Variants in SCHIP1 observed in about 807,000 individuals in gnomAD.
The protein encoded by SCHIP1 is schwannomin-interacting protein 1.
SCHIP1 carries 8 observed loss-of-function variants against 29.7 expected under a neutral mutation model. The ratio of observed to expected loss-of-function variants is 0.27; its 90% CI spans 0.16 to 0.49. The LOEUF (loss-of-function observed/expected upper bound fraction) is 0.49, where lower values mean the gene tolerates loss of function less well. SCHIP1 is among the 20% of genes least tolerant of loss of function. SCHIP1 has a pLI of 0.99. For synonymous variants in SCHIP1, 76 were observed against 94.9 expected (o/e 0.80, Z 1.16); for missense variants, 193 against 294.6 (o/e 0.66, Z 2.52).
the SCHIP1 span, among the ~76,000 whole-genome samples, chr3:159,412,102 T>A: frequency 3.1e-4 from 47 of 152,318 alleles, 1 homozygote; most frequent in Admixed American, 5.9e-4. Flanking sequence ...AACAAAGTAG[T>A]TACTGTTATC....
chr3:159,439,298 G>A, the SCHIP1 span, among the ~76,000 whole-genome samples: 1 of 152,162 alleles, frequency 6.6e-6, no homozygotes, highest in Non-Finnish European at 1.5e-5. Flanking sequence ...GTTCAGCATA[G>A]TTGGGGAGGC....
chr3:159,856,890 C>T (rs768746651), intron 1 of SCHIP1, among the ~76,000 whole-genome samples: 144 of 152,284 alleles, frequency 9.5e-4, no homozygotes, highest in Middle Eastern at 3.4e-3. Flanking sequence ...TGCCAGCTGC[C>T]ATTCCAGACA....
the SCHIP1 span, among the ~76,000 whole-genome samples, chr3:159,591,152 C>G: frequency 6.6e-6 from 1 of 152,174 alleles, no homozygotes; most frequent in Non-Finnish European, 1.5e-5. Context: ...TAGAGCCTGA[C>G]CTAGTATTTG....
chr3:159,610,714 A>G, the SCHIP1 span, among the ~76,000 whole-genome samples: 1 of 152,092 alleles, frequency 6.6e-6, no homozygotes, highest in Non-Finnish European at 1.5e-5. Flanking sequence ...TGCTTGGACC[A>G]GAGGTCTGGT....
At chr3:159,723,123 T>G in the SCHIP1 span, among the ~76,000 whole-genome samples, 2 of 152,180 alleles carry the variant, frequency 1.3e-5, no homozygotes, top group African/African-American at 2.4e-5. Context: ...TCATCCAAAA[T>G]TTGAGATCCA....
the SCHIP1 span, among the ~76,000 whole-genome samples, chr3:159,635,781 G>A: frequency 6.6e-6 from 1 of 152,124 alleles, no homozygotes; most frequent in Non-Finnish European, 1.5e-5. Context: ...AGGTAAAGAA[G>A]GACATTTCAT....
At chr3:159,428,534 G>T in the SCHIP1 span, among the ~76,000 whole-genome samples, 1 of 151,888 alleles carries the variant, frequency 6.6e-6, no homozygotes, top group Non-Finnish European at 1.5e-5. Flanking sequence ...ATCATTAAAA[G>T]GTCAGGAAAC....
At chr3:159,320,703 T>C in the SCHIP1 span, among the ~76,000 whole-genome samples, 1 of 152,134 alleles carries the variant, frequency 6.6e-6, no homozygotes, top group Non-Finnish European at 1.5e-5. Context: ...TATAGGGTAA[T>C]TTCTTAATTT....
chr3:159,637,112 C>A, the SCHIP1 span, among the ~76,000 whole-genome samples: 1 of 152,124 alleles, frequency 6.6e-6, no homozygotes, highest in Admixed American at 6.5e-5. Flanking sequence ...AAGTAAATAG[C>A]AAATCACTGT....
the SCHIP1 span, among the ~76,000 whole-genome samples, chr3:159,510,238 C>T: frequency 1.3e-5 from 2 of 152,016 alleles, no homozygotes; most frequent in African/African-American, 4.8e-5. Flanking sequence ...TCACTGATAC[C>T]CTTTCTTCCA....
At chr3:159,325,570 T>G in the SCHIP1 span, among the ~76,000 whole-genome samples, 12 of 152,248 alleles carry the variant, frequency 7.9e-5, no homozygotes, top group African/African-American at 2.2e-4. Context: ...TCTAAGCCTC[T>G]CTATCATCTC....
the SCHIP1 span, among the ~76,000 whole-genome samples, chr3:159,751,585 C>CG: frequency 6.7e-6 from 1 of 149,316 alleles, no homozygotes; most frequent in Non-Finnish European, 1.5e-5. Context: ...CACCCTGTCA[C>CG]ACAGGCTGGA....
At chr3:159,633,739 A>G in the SCHIP1 span, among the ~76,000 whole-genome samples, 1 of 152,206 alleles carries the variant, frequency 6.6e-6, no homozygotes, top group Non-Finnish European at 1.5e-5. Context: ...TACACTCTTA[A>G]TTAGGAAGTA....
At chr3:159,548,188 TG>T in the SCHIP1 span, among the ~76,000 whole-genome samples, 5 of 152,104 alleles carry the variant, frequency 3.3e-5, no homozygotes, top group Non-Finnish European at 7.4e-5. Flanking sequence ...CTATCTTGAA[TG>T]TTTGTGAGAA....
the SCHIP1 span, among the ~76,000 whole-genome samples, chr3:159,654,309 A>AT: frequency 6.6e-6 from 1 of 151,604 alleles, no homozygotes; most frequent in Non-Finnish European, 1.5e-5. Context: ...TCACTAGTTC[A>AT]TTTTTCCCAA....
chr3:159,892,319 G>C lies in SCHIP1; in HGVS notation c.683+129G>C, dbSNP rs1560099551. 2.8e-6 allele frequency: 3 copies of C among 1,058,320 alleles called. No individual in the cohort carries two copies. In the East Asian group the frequency reaches 7.7e-5, roughly 27 times the overall value. 65.6% of individuals were successfully genotyped at this position (1,058,320 alleles called of 1,614,324 possible). ...TAAATAACTCACCTAGCCTTTTCTG[G>C]TGCCAGCTGTTCAGATGGAGGGGAA... is the stretch of plus-strand genomic sequence containing the variant. On this transcript the variant is annotated intron_variant, in intron 6 of 6. Transcript: ENST00000445224.
At chr3:159,441,734 G>T in the SCHIP1 span, among the ~76,000 whole-genome samples, 7 of 152,228 alleles carry the variant, frequency 4.6e-5, no homozygotes, top group Non-Finnish European at 1.0e-4. Context: ...TAGGGCCCTG[G>T]GACAGGGAAG....
chr3:159,789,196 C>G, the SCHIP1 span, among the ~76,000 whole-genome samples: 1 of 152,000 alleles, frequency 6.6e-6, no homozygotes, highest in Admixed American at 6.6e-5. Context: ...CTGGCAAGTC[C>G]AGGCCAGCAG....
At chr3:159,789,335 C>G in the SCHIP1 span, among the ~76,000 whole-genome samples, 1 of 152,210 alleles carries the variant, frequency 6.6e-6, no homozygotes, top group African/African-American at 2.4e-5. Flanking sequence ...GAGACCGGCC[C>G]ACTTTATGGA....
Sources: gnomAD v4.1 joint callset for allele counts (sites outside exome capture counted in the v4.1 genomes callset) on GRCh38, gnomAD v4.1.1 for gene constraint, MANE v1.5 for transcripts, NCBI Gene and HGNC (gene_info 2026-07-23, HGNC 2026-07-21) for gene names.